HERC5: variants seen among roughly 807,000 people sequenced by gnomAD.
HERC5 encodes HECT and RLD domain containing E3 ubiquitin protein ligase 5, also known as E3 ISG15--protein ligase HERC5.
HERC5 carries 99 observed loss-of-function variants against 119.6 expected under a neutral mutation model. That is an observed-to-expected ratio of 0.83 (90% CI 0.70 to 0.98). The LOEUF (loss-of-function observed/expected upper bound fraction) is 0.98, where lower values mean the gene tolerates loss of function less well. Ranked by LOEUF, HERC5 falls within the 50% of genes least tolerant of loss-of-function variation. The pLI is 0.00. For synonymous variants in HERC5, 478 were observed against 445.9 expected (o/e 1.07, Z -0.91); for missense variants, 1,267 against 1,241.3 (o/e 1.02, Z -0.31).
In HERC5 at chr4:88,457,493, T is replaced by G. The variant is rs1214089271; in HGVS notation, c.224T>G (p.Val75Gly). 1 of 1,317,366 alleles carries G rather than the reference T, an allele frequency of 7.6e-7. No individual in the cohort carries two copies. Among genetic ancestry groups the G allele is most frequent in the African/African-American group, 1.5e-5 (1 of 66,058 alleles). The allele number at this position is 1,317,366 out of a possible 1,614,324, so 81.6% of individuals were successfully genotyped here. The change falls in exon 1 of 23, where the codon GTT (valine) becomes GGT (glycine). Residue 75 changes from valine (V) to glycine (G), a missense_variant. Transcript: ENST00000264350. ...GAACGCGGCGGGGCGGGCGTCCAGG[T>G]TCACCAGCTGCTCGCCGGGAGCGGC... ...VLERGGAGVQVHQLLAGSGGA... is the reference protein window; with the variant it reads ...VLERGGAGVQGHQLLAGSGGA...
At chr4:88,480,456 T>TTG (rs1421827663) in intron 13 of HERC5, among the ~76,000 whole-genome samples, 1 of 151,982 alleles carries the variant, frequency 6.6e-6, no homozygotes. Context: ...TTTTTTTTTT[T>TTG]GTCTTGTTGG....
In HERC5 at chr4:88,470,408, T is replaced by C. The variant is rs114571059; in HGVS notation, c.1239-206T>C. On this transcript the variant is annotated intron_variant, in intron 9 of 22. Transcript: ENST00000264350. ...TATAAACTTTTTTATTTCCCATGTT[T>C]GCCACTGAAATTTTGAGATTTACCA... 3.9e-3 allele frequency among the ~76,000 whole-genome samples: 594 copies of C among 152,302 alleles called. 2 individuals are homozygous for C. The highest frequency in any genetic ancestry group is 0.014 in the African/African-American group (566 of 41,556).
intron 10 of HERC5, 51 bp from the exon 11 acceptor site, chr4:88,472,358 G>C (rs759539784): frequency 2.0e-6 from 2 of 1,018,836 alleles, no homozygotes; most frequent in South Asian, 1.4e-5. Context: ...AAGAAACTTT[G>C]CATCTAGGGA....
At chr4:88,473,354 G>C (rs549946598) in intron 11 of HERC5, 19 of 150,142 alleles carry the variant, frequency 1.3e-4, no homozygotes, top group African/African-American at 4.2e-4. Flanking sequence ...ATCTCTCTCT[G>C]TGTTCATATC....
At chr4:88,488,580 T>C (rs574235559) in intron 15 of HERC5, among the ~76,000 whole-genome samples, 6 of 152,230 alleles carry the variant, frequency 3.9e-5, no homozygotes, top group Admixed American at 3.9e-4. Flanking sequence ...GGTTTCAGAA[T>C]GGACATTCTG....
chr4:88,472,488 T>C lies in HERC5; in HGVS notation c.1378T>C (p.Trp460Arg). Residue 460 changes from tryptophan to arginine, a missense_variant, in exon 11 of 23, where the codon TGG (tryptophan) becomes CGG (arginine). Transcript: ENST00000264350. ...NIFKELTQKD[W>R]ITNMITTCLK... is the part of the protein sequence containing the mutation. ...CTTCAAGGAGTTAACCCAAAAGGACTGGATTACTAACATGGTATCTTCAGA... is the reference window on the plus strand; with the variant it reads ...CTTCAAGGAGTTAACCCAAAAGGACCGGATTACTAACATGGTATCTTCAGA... The C allele has an allele frequency of 1.3e-6, 2 of 1,572,776 alleles. No individual in the cohort carries two copies. The highest frequency in any genetic ancestry group is 1.4e-5 in the African/African-American group (1 of 73,880).
chr4:88,458,023 G>T (rs1323127219), intron 1 of HERC5: 2 of 986,544 alleles, frequency 2.0e-6, no homozygotes, highest in Non-Finnish European at 2.4e-6. Flanking sequence ...TTAAAATTTT[G>T]CCCATCTGTG....
Position 88,463,543 on chromosome 4 carries a change from C to T in HERC5, c.700C>T (p.Pro234Ser), listed in dbSNP as rs1164864917. ...TTTTCCTTACATAGGTAAAGATGAT[C>T]CATCCCTTATTGAAGGACTAGACAA... ...GLGHTESKDDPSLIEGLDNQK... is the reference protein window; with the variant it reads ...GLGHTESKDDSSLIEGLDNQK... Residue 234 changes from proline (P) to serine (S), a missense_variant, in exon 5 of 23, where the codon CCA becomes TCA. Pro to Ser is a moderately conservative substitution (Grantham distance 74). Coordinates refer to ENST00000264350, the MANE Select transcript of HERC5 (RefSeq NM_016323.4). 3 of 1,612,308 alleles carry T rather than the reference C, an allele frequency of 1.9e-6. No individual in the cohort carries two copies. Among genetic ancestry groups the T allele is most frequent in the Non-Finnish European group, 2.5e-6 (3 of 1,178,584 alleles).
chr4:88,467,597 G>A (rs1201177101), intron 7 of HERC5, among the ~76,000 whole-genome samples: 5 of 152,186 alleles, frequency 3.3e-5, no homozygotes, highest in Admixed American at 6.5e-5. Context: ...AGCAATCAAC[G>A]TATACCTGGC....
intron 18 of HERC5, among the ~76,000 whole-genome samples, chr4:88,496,065 C>A (rs1741788364): frequency 6.6e-6 from 1 of 152,146 alleles, no homozygotes; most frequent in South Asian, 2.1e-4. Context: ...GCAGAGCATT[C>A]CACAATATCA....
In HERC5 at chr4:88,486,108, A is replaced by G; in HGVS notation, c.1738-7A>G. 6.4e-7 allele frequency: 1 copy of G among 1,568,028 alleles called. No homozygotes were observed. On this transcript the variant is annotated splice_polypyrimidine_tract_variant and splice_region_variant and intron_variant, in intron 13 of 22. Coordinates refer to ENST00000264350, the MANE Select transcript of HERC5 (RefSeq NM_016323.4). ...AAAACTTTTTCACAAGTCATATTTT[A>G]TTTAAGGTAAACCAGGTGAAATGTC... is the stretch of plus-strand genomic sequence containing the variant.
At chr4:88,492,433 G>C (rs1741670705) in intron 16 of HERC5, among the ~76,000 whole-genome samples, 1 of 151,928 alleles carries the variant, frequency 6.6e-6, no homozygotes, top group African/African-American at 2.4e-5. Flanking sequence ...TCTGGGGTTT[G>C]ACTGATAAAG....
At chr4:88,476,811 C>T (rs1741079475) in intron 12 of HERC5, among the ~76,000 whole-genome samples, 1 of 151,526 alleles carries the variant, frequency 6.6e-6, no homozygotes, top group African/African-American at 2.4e-5. Flanking sequence ...ATCCCAGCTA[C>T]TCGGGAGGCT....
intron 6 of HERC5, 48 bp downstream of exon 6, chr4:88,464,033 CTAGA>C (rs1231380675): frequency 6.7e-7 from 1 of 1,493,314 alleles, no homozygotes; most frequent in African/African-American, 1.4e-5. Context: ...GTGCAGCAAA[CTAGA>C]TAGTAATTTA....
At chr4:88,466,499 T>C (rs1392685745) in intron 6 of HERC5, among the ~76,000 whole-genome samples, 2 of 152,126 alleles carry the variant, frequency 1.3e-5, no homozygotes, top group Non-Finnish European at 2.9e-5. Flanking sequence ...CCAGGAGAGC[T>C]CTCCCAGGAT....
Position 88,504,584 on chromosome 4 carries a change from G to GA in HERC5, c.2862dup (p.Phe955IlefsTer9). ...TCCACAAATTGACTCTGGAAGAAAA[G>GA]AAAAAATTCCTTGGTAAGTATTATA... On this transcript the variant is annotated frameshift_variant, in exon 22 of 23. Transcript: ENST00000264350. LOFTEE classifies it low-confidence loss of function (END_TRUNC). 1.3e-6 allele frequency: 2 copies of GA among 1,555,132 alleles called. No homozygotes were observed. Among genetic ancestry groups the GA allele is most frequent in the Non-Finnish European group, 1.7e-6 (2 of 1,154,604 alleles).
intron 7 of HERC5, 120 bp downstream of exon 7, chr4:88,467,324 T>C: frequency 1.0e-6 from 1 of 995,038 alleles, no homozygotes. Context: ...CTCTAAATAC[T>C]GGTTTCATTT....
chr4:88,461,326 C>T (rs185568996), intron 3 of HERC5, among the ~76,000 whole-genome samples: 4 of 152,088 alleles, frequency 2.6e-5, no homozygotes, highest in East Asian at 3.9e-4. Flanking sequence ...GGTCTAGAGG[C>T]GTGTATGTAC....
At chr4:88,492,939 A>G in intron 16 of HERC5, 73 bp from the exon 17 acceptor site, 10 of 1,418,498 alleles carry the variant, frequency 7.0e-6, no homozygotes, top group South Asian at 1.4e-5. Context: ...GCTATTTACT[A>G]TTATTAAATG....
Sources: gnomAD v4.1 joint callset for allele counts (sites outside exome capture counted in the v4.1 genomes callset) on GRCh38, gnomAD v4.1.1 for gene constraint, MANE v1.5 for transcripts, NCBI Gene and HGNC (gene_info 2026-07-23, HGNC 2026-07-21) for gene names.